Variants in RBFOX1 observed in about 807,000 individuals in gnomAD.
RBFOX1 encodes the protein RNA binding protein fox-1 homolog 1.
RBFOX1 carries 8 observed loss-of-function variants against 57.7 expected under a neutral mutation model. The ratio of observed to expected loss-of-function variants is 0.14; its 90% CI spans 0.08 to 0.25. The LOEUF (loss-of-function observed/expected upper bound fraction) is 0.25. Ranked by LOEUF, RBFOX1 falls within the 10% of genes least tolerant of loss-of-function variation. RBFOX1 has a pLI of 1.00. For synonymous variants in RBFOX1, 326 were observed against 222.4 expected (o/e 1.47, Z -4.15); for missense variants, 611 against 548.5 (o/e 1.11, Z -1.14).
intron 1 of RBFOX1, among the ~76,000 whole-genome samples, chr16:5,466,416 G>C (rs1027371858): frequency 1.2e-4 from 19 of 152,236 alleles, no homozygotes; most frequent in Admixed American, 1.2e-3. Flanking sequence ...TGACCCAACG[G>C]AGGTGCTTGG....
chr16:6,125,798 G>C (rs1305646136), intron 1 of RBFOX1, among the ~76,000 whole-genome samples: 4 of 152,174 alleles, frequency 2.6e-5, no homozygotes, highest in African/African-American at 9.7e-5. Flanking sequence ...CAGTGGCAAA[G>C]GGTTGGTAGG....
intron 4 of RBFOX1, among the ~76,000 whole-genome samples, chr16:7,301,187 G>A (rs531229884): frequency 6.6e-6 from 1 of 152,328 alleles, no homozygotes; most frequent in Admixed American, 6.5e-5. Flanking sequence ...TTGATTTGGG[G>A]TCATTGGATG....
chr16:7,496,077 T>C (rs992154992), intron 4 of RBFOX1, among the ~76,000 whole-genome samples: 1 of 152,150 alleles, frequency 6.6e-6, no homozygotes, highest in Admixed American at 6.5e-5. Flanking sequence ...CCACATTCTG[T>C]CTCTATCAGC....
At chr16:7,185,140 G>C (rs147973101) in intron 4 of RBFOX1, among the ~76,000 whole-genome samples, 205 of 152,236 alleles carry the variant, frequency 1.3e-3, no homozygotes, top group African/African-American at 4.8e-3. Context: ...GCATATGGGA[G>C]CACTTTGCAA....
At chr16:6,089,361 A>G (rs2096137380) in intron 1 of RBFOX1, among the ~76,000 whole-genome samples, 1 of 152,156 alleles carries the variant, frequency 6.6e-6, no homozygotes, top group Non-Finnish European at 1.5e-5. Context: ...GAAACAGCAA[A>G]TGCAAAGGCC....
chr16:7,187,496 T>C (rs574979034), intron 4 of RBFOX1, among the ~76,000 whole-genome samples: 52 of 151,546 alleles, frequency 3.4e-4, no homozygotes, highest in African/African-American at 9.4e-4. Flanking sequence ...GAGACCATCC[T>C]GGCTAACACA....
intron 4 of RBFOX1, among the ~76,000 whole-genome samples, chr16:7,064,884 TG>T (rs2055562346): frequency 1.3e-5 from 2 of 152,198 alleles, no homozygotes; most frequent in Admixed American, 6.5e-5. Flanking sequence ...AAACTAGCTG[TG>T]GTATGATACT....
chr16:5,976,219 G>A (rs1027928423), intron 4 of RBFOX1, among the ~76,000 whole-genome samples: 8 of 152,028 alleles, frequency 5.3e-5, no homozygotes, highest in Non-Finnish European at 1.2e-4. Context: ...TACCCAGTTC[G>A]GTATCCCAGG....
intron 1 of RBFOX1, among the ~76,000 whole-genome samples, chr16:5,377,847 A>C (rs979780073): frequency 6.6e-6 from 1 of 151,644 alleles, no homozygotes; most frequent in African/African-American, 2.4e-5. Flanking sequence ...CATTTTCAAC[A>C]CAAGTTTAAA....
chr16:7,016,537 C>T (rs2093923609), intron 3 of RBFOX1, among the ~76,000 whole-genome samples: 1 of 152,178 alleles, frequency 6.6e-6, no homozygotes, highest in African/African-American at 2.4e-5. Context: ...ATGTGCCAAG[C>T]ATTGCACACA....
intron 4 of RBFOX1, among the ~76,000 whole-genome samples, chr16:7,439,493 C>T (rs2098749125): frequency 6.6e-6 from 1 of 152,044 alleles, no homozygotes; most frequent in African/African-American, 2.4e-5. Flanking sequence ...CAGAATTATC[C>T]ACCTAGTTCC....
chr16:7,250,822 G>T (rs543372508), intron 4 of RBFOX1, among the ~76,000 whole-genome samples: 2 of 152,122 alleles, frequency 1.3e-5, no homozygotes, highest in Non-Finnish European at 2.9e-5. Context: ...TGGCTACTCT[G>T]TTTCCTTCTT....
At chr16:5,327,368 C>G (rs1022869960) in intron 1 of RBFOX1, among the ~76,000 whole-genome samples, 1 of 152,170 alleles carries the variant, frequency 6.6e-6, no homozygotes, top group African/African-American at 2.4e-5. Flanking sequence ...GTGAAGCACC[C>G]TGAAGTTTAA....
intron 1 of RBFOX1, among the ~76,000 whole-genome samples, chr16:5,250,220 A>G (rs1466978637): frequency 2.6e-5 from 4 of 152,044 alleles, no homozygotes; most frequent in African/African-American, 2.4e-5. Context: ...TCTCAGAGGT[A>G]ACACTGGGGA....
At chr16:7,340,075 C>T (rs1032698671) in intron 4 of RBFOX1, among the ~76,000 whole-genome samples, 1 of 152,208 alleles carries the variant, frequency 6.6e-6, no homozygotes, top group Non-Finnish European at 1.5e-5. Flanking sequence ...TGCACATCTC[C>T]AAATCAATCA....
At chr16:5,507,566 A>G (rs926201757) in intron 2 of RBFOX1, among the ~76,000 whole-genome samples, 1 of 152,186 alleles carries the variant, frequency 6.6e-6, no homozygotes, top group African/African-American at 2.4e-5. Context: ...GTCCCCCACC[A>G]CAAGATATGT....
At chr16:5,955,118 T>TTAAAAAAAAAAAAAAAAAA (rs2059599305) in intron 4 of RBFOX1, among the ~76,000 whole-genome samples, 1 of 14,290 alleles carries the variant, frequency 7.0e-5, no homozygotes, top group African/African-American at 3.6e-4. Flanking sequence ...CCATCTCTAC[T>TTAAAAAAAAAAAAAAAAAA]AAAAAAAAAA....
intron 2 of RBFOX1, among the ~76,000 whole-genome samples, chr16:6,478,388 AATATATATATATATATATATAT>A (rs71406379): frequency 3.1e-4 from 13 of 41,562 alleles, no homozygotes; most frequent in South Asian, 1.8e-3. Flanking sequence ...ACACCCAGCT[AATATATATATATATATATATAT>A]ATATATATAT....
chr16:5,440,983 C>T (rs1301273953), intron 1 of RBFOX1, among the ~76,000 whole-genome samples: 1 of 152,096 alleles, frequency 6.6e-6, no homozygotes, highest in Non-Finnish European at 1.5e-5. Flanking sequence ...TCCTACGTAC[C>T]CTTATGTATA....
Sources: allele counts gnomAD v4.1 joint callset (sites outside exome capture counted in the v4.1 genomes callset), GRCh38; gene constraint gnomAD v4.1.1; transcripts MANE v1.5; gene names NCBI Gene and HGNC (gene_info 2026-07-23, HGNC 2026-07-21).